The following RORA variants were observed in gnomAD, a reference collection of about 807,000 sequenced individuals.
The protein encoded by RORA is RAR related orphan receptor A.
Under a neutral mutation model 69.5 loss-of-function variants are expected in RORA, and 7 were observed. The ratio of observed to expected loss-of-function variants is 0.10; its 90% CI spans 0.06 to 0.19. RORA has a LOEUF of 0.19. RORA is among the 10% of genes least tolerant of loss of function. The pLI, the probability that RORA is intolerant of heterozygous loss-of-function variation, is 1.00. For synonymous variants in RORA, 261 were observed against 240.8 expected, an observed-to-expected ratio of 1.08 and a Z score of -0.78; for missense variants, 457 against 663.0, an observed-to-expected ratio of 0.69 and a Z score of 3.41.
rs1179657434 is a variant in RORA at position 60,558,177 on chromosome 15, A to G, written c.197-26326T>C. 2.2e-6 allele frequency: 3 copies of G among 1,339,908 alleles called. No individual in the cohort carries two copies. The South Asian group carries it at 3.6e-5, about 16-fold the overall frequency. The allele number at this position is 1,339,908 out of a possible 1,614,324, so 83.0% of individuals were successfully genotyped here. On this transcript the variant is annotated intron_variant, in intron 2 of 10. Coordinates refer to ENST00000335670, the MANE Select transcript of RORA (RefSeq NM_134261.3). ...AAACACAAGACTGGGCCACATCTCC[A>G]TGGTCTCTGGATGGAGGACAGGTCA...
In RORA at chr15:61,086,436, G is replaced by A. The variant is rs150811378; in HGVS notation, c.166+142617C>T. Among the ~76,000 whole-genome samples the A allele has an allele frequency of 3.9e-5, 6 of 152,314 alleles. No homozygotes were observed. In the East Asian group the frequency reaches 9.6e-4, roughly 24 times the overall value. Reference sequence around the variant, plus strand: ...GAGAACTTAATGAACTCAGAGTAATGTCACTAGGCCAGAGTTCTCAGCCCC... The same window carrying A: ...GAGAACTTAATGAACTCAGAGTAATATCACTAGGCCAGAGTTCTCAGCCCC... On this transcript the variant is annotated intron_variant, in intron 1 of 10. Transcript: ENST00000335670.
intron 1 of RORA, among the ~76,000 whole-genome samples, chr15:61,028,676 C>T (rs1037506182): frequency 2.6e-5 from 4 of 152,170 alleles, no homozygotes; most frequent in Non-Finnish European, 5.9e-5. Context: ...TCATGCAGGT[C>T]AGGAAAGTTC....
chr15:60,669,537 T>A (rs1320008022), intron 2 of RORA, among the ~76,000 whole-genome samples: 2 of 152,126 alleles, frequency 1.3e-5, no homozygotes, highest in South Asian at 2.1e-4. Context: ...TCACTGCTTT[T>A]TTTCACACAC....
At chr15:60,546,911 C>G (rs2067087211) in intron 2 of RORA, among the ~76,000 whole-genome samples, 1 of 152,170 alleles carries the variant, frequency 6.6e-6, no homozygotes, top group African/African-American at 2.4e-5. Context: ...AGGATTTTCC[C>G]TCGTGTTGTC....
At chr15:61,074,495 A>C (rs1451648804) in intron 1 of RORA, among the ~76,000 whole-genome samples, 1 of 152,254 alleles carries the variant, frequency 6.6e-6, no homozygotes, top group African/African-American at 2.4e-5. Flanking sequence ...TTTCTTCTTA[A>C]CTAAGCCACA....
At chr15:60,756,623 G>A (rs2071805102) in intron 1 of RORA, among the ~76,000 whole-genome samples, 2 of 152,140 alleles carry the variant, frequency 1.3e-5, no homozygotes, top group Admixed American at 6.5e-5. Context: ...TTGTATAGAT[G>A]TGTTTACTAA....
intron 1 of RORA, among the ~76,000 whole-genome samples, chr15:60,733,812 G>T (rs148122973): frequency 5.1e-4 from 78 of 152,166 alleles, no homozygotes; most frequent in Admixed American, 2.6e-3. Flanking sequence ...GGATTTTTCA[G>T]GCCTAAGGAC....
chr15:60,801,230 T>G (rs780690468), intron 1 of RORA, among the ~76,000 whole-genome samples: 1 of 152,138 alleles, frequency 6.6e-6, no homozygotes, highest in Non-Finnish European at 1.5e-5. Context: ...AAGGTTCAAT[T>G]AGGAATTACA....
rs570418733 is a variant in RORA, at chr15:60,824,411, A to G, written c.167-145725T>C. Among the ~76,000 whole-genome samples the G allele has an allele frequency of 3.9e-5, 6 of 152,132 alleles. No homozygotes were observed. In the East Asian group the frequency reaches 1.2e-3, roughly 29 times the overall value. ...CTTTAAATATCGTTTTGCTGACAGA[A>G]GACAACTGGCTCTTTTCATAGACAT... is the stretch of plus-strand genomic sequence containing the variant. On this transcript the variant is annotated intron_variant, in intron 1 of 10. Transcript: ENST00000335670.
chr15:60,745,791 A>G (rs1049191670), intron 1 of RORA, among the ~76,000 whole-genome samples: 2 of 152,136 alleles, frequency 1.3e-5, no homozygotes, highest in Non-Finnish European at 2.9e-5. Flanking sequence ...CTGCACAAGG[A>G]CAGGGACAGA....
At chr15:60,743,016 A>ATTTTTTT (rs33922947) in intron 1 of RORA, among the ~76,000 whole-genome samples, 120 of 105,006 alleles carry the variant, frequency 1.1e-3, no homozygotes, top group Non-Finnish European at 1.8e-3. Context: ...CATTCATTCT[A>ATTTTTTT]TTTTTTTTTT....
At chr15:60,577,935 G>A (rs971501346) in intron 2 of RORA, among the ~76,000 whole-genome samples, 33 of 152,284 alleles carry the variant, frequency 2.2e-4, no homozygotes, top group African/African-American at 7.9e-4. Context: ...TCAATCTGTT[G>A]TGTTATGCTC....
chr15:60,689,170 T>A (rs147741427), intron 1 of RORA, among the ~76,000 whole-genome samples: 185 of 152,330 alleles, frequency 1.2e-3, no homozygotes, highest in South Asian at 5.2e-3. Flanking sequence ...TAAGGATACC[T>A]TTTTCATGAG....
chr15:60,925,149 C>T (rs1427460775), intron 1 of RORA, among the ~76,000 whole-genome samples: 1 of 141,774 alleles, frequency 7.1e-6, no homozygotes, highest in Non-Finnish European at 1.6e-5. Context: ...AATAAAGGTA[C>T]TCTAACAATT....
intron 2 of RORA, among the ~76,000 whole-genome samples, chr15:60,667,227 T>A (rs1256109320): frequency 1.3e-5 from 2 of 152,328 alleles, no homozygotes; most frequent in East Asian, 3.9e-4. Context: ...GTATTCACAC[T>A]GCAAAGCAAA....
chr15:60,614,836 C>G (rs1171880990), intron 2 of RORA: 3 of 1,373,868 alleles, frequency 2.2e-6, no homozygotes, highest in Non-Finnish European at 2.0e-6. Flanking sequence ...CAGACAGACA[C>G]TGACATGCTT....
intron 1 of RORA, among the ~76,000 whole-genome samples, chr15:61,044,208 G>A (rs550215666): frequency 6.6e-6 from 1 of 152,322 alleles, no homozygotes; most frequent in South Asian, 2.1e-4. Context: ...TCCTCAAGGG[G>A]ATGGGAAGTT....
intron 1 of RORA, among the ~76,000 whole-genome samples, chr15:60,945,098 T>A (rs1340272555): frequency 6.6e-6 from 1 of 152,162 alleles, no homozygotes; most frequent in African/African-American, 2.4e-5. Context: ...TATAGTTTAA[T>A]ATACCCAGCA....
chr15:61,172,448 T>C (rs915508237), intron 1 of RORA, among the ~76,000 whole-genome samples: 1 of 152,132 alleles, frequency 6.6e-6, no homozygotes. Flanking sequence ...AGAACAAGTC[T>C]GAGGAATTGA....
Sources: allele counts gnomAD v4.1 joint callset (sites outside exome capture counted in the v4.1 genomes callset), GRCh38; gene constraint gnomAD v4.1.1; transcripts MANE v1.5; gene names NCBI Gene and HGNC (gene_info 2026-07-23, HGNC 2026-07-21).